Variants in GRIN2B observed in about 807,000 individuals in gnomAD.
GRIN2B encodes the protein glutamate receptor ionotropic, NMDA 2B.
GRIN2B carries 5 observed loss-of-function variants against 114.5 expected under a neutral mutation model. That is an observed-to-expected ratio of 0.04 (90% CI 0.02 to 0.09). The LOEUF is 0.09. Among genes scored for constraint, GRIN2B ranks in the 10% least tolerant of loss-of-function variants. The pLI is 1.00. For missense variants in GRIN2B, 1,108 were observed against 1,943.5 expected (o/e 0.57, Z 8.08); for synonymous variants, 787 against 745.1 (o/e 1.06, Z -0.92).
intron 5 of GRIN2B, among the ~76,000 whole-genome samples, chr12:13,626,534 G>A (rs1009399960): frequency 6.6e-6 from 1 of 152,114 alleles, no homozygotes; most frequent in Non-Finnish European, 1.5e-5. Context: ...CTGGATTTGA[G>A]CACTGACTTG....
intron 13 of GRIN2B, among the ~76,000 whole-genome samples, chr12:13,566,495 G>A (rs983237890): frequency 6.6e-6 from 1 of 152,202 alleles, no homozygotes; most frequent in Non-Finnish European, 1.5e-5. Context: ...AACTAGGGAA[G>A]TTTCTGGAAT....
In GRIN2B at chr12:13,547,285, A is replaced by C. The variant is rs1355864450; in HGVS notation, c.*15498T>G. On this transcript the variant is annotated 3_prime_UTR_variant, in exon 14 of 14. Transcript: ENST00000609686. ...GATAAAACCCACTTTGCAGTGGCTAAAAATATAAGTATTTTGGTCTATTTT... is the reference window on the plus strand; with the variant it reads ...GATAAAACCCACTTTGCAGTGGCTACAAATATAAGTATTTTGGTCTATTTT... 1 of 152,156 alleles carries C rather than the reference A, an allele frequency of 6.6e-6. No homozygotes were observed. Among genetic ancestry groups the C allele is most frequent in the African/African-American group, 2.4e-5 (1 of 41,436 alleles). 9.4% of individuals were successfully genotyped at this position (152,156 alleles called of 1,614,324 possible). A position where few individuals can be genotyped will look rare whatever the true frequency, so the allele number is the denominator to read the frequency against.
At chr12:13,662,109 T>C (rs1949930036) in intron 5 of GRIN2B, among the ~76,000 whole-genome samples, 1 of 152,172 alleles carries the variant, frequency 6.6e-6, no homozygotes, top group Non-Finnish European at 1.5e-5. Flanking sequence ...GCAGTTCTTA[T>C]TAAACAATGA....
chr12:13,791,574 C>G lies in GRIN2B; in HGVS notation c.412-37659G>C, dbSNP rs371138641. On this transcript the variant is annotated intron_variant, in intron 3 of 13. Transcript: ENST00000609686. Reference sequence around the variant, plus strand: ...TTGCACTCTGTTTCTTATTGGGGTACCTATAATTTTCCTACAATATTCTGA... The same window carrying G: ...TTGCACTCTGTTTCTTATTGGGGTAGCTATAATTTTCCTACAATATTCTGA... 4.0e-4 allele frequency among the ~76,000 whole-genome samples: 61 copies of G among 152,160 alleles called. No individual in the cohort carries two copies. In the East Asian group the frequency reaches 0.011, roughly 27 times the overall value.
intron 1 of GRIN2B, 89 bp downstream of exon 1, chr12:13,981,253 C>T (rs1488924479): frequency 6.6e-6 from 1 of 152,294 alleles, no homozygotes; most frequent in Non-Finnish European, 1.5e-5. Flanking sequence ...CAGATTCGTT[C>T]ACGATTTCAC....
chr12:13,721,518 A>C (rs1302121363), intron 4 of GRIN2B, among the ~76,000 whole-genome samples: 1 of 152,038 alleles, frequency 6.6e-6, no homozygotes, highest in Non-Finnish European at 1.5e-5. Flanking sequence ...TGTAAGAAAA[A>C]TAAGTAAGGA....
Position 13,563,327 on chromosome 12 carries a change from T to C in GRIN2B, c.3911A>G (p.Tyr1304Cys). The C allele has an allele frequency of 2.5e-6, 4 of 1,614,114 alleles. No individual in the cohort carries two copies. The highest frequency in any genetic ancestry group is 3.4e-6 in the Non-Finnish European group (4 of 1,180,010). The change falls in exon 14 of 14, where the codon TAC becomes TGC. Residue 1304 changes from tyrosine to cysteine, a missense_variant. Physicochemically the swap from Tyr to Cys is radical, Grantham distance 194. Transcript: ENST00000609686. ...CTTCTGCAGGTCCACGAAGGTGTCG[T>C]AGGAGTGCTGCCGGCGCAGTTTGTT... ...NRNKLRRQHS[Y>C]DTFVDLQKEE...
chr12:13,651,967 A>G (rs532133990), intron 5 of GRIN2B, among the ~76,000 whole-genome samples: 36 of 152,106 alleles, frequency 2.4e-4, no homozygotes, highest in Non-Finnish European at 2.6e-4. Flanking sequence ...TTAACATTTA[A>G]TGAGCATTTA....
In GRIN2B at chr12:13,549,010, A is replaced by AAG. The variant is rs1948380315; in HGVS notation, c.*13772_*13773insCT. The stretch of plus-strand genomic sequence containing the variant: ...TAGGGCTAGGAAGGACTGATAAAAA[A>AAG]AAAAAGTTACTCTACATTAAGCAGG... On this transcript the variant is annotated 3_prime_UTR_variant, in exon 14 of 14. Transcript: ENST00000609686. 1 of 151,890 alleles carries AAG rather than the reference A, an allele frequency of 6.6e-6. No homozygotes were observed. The highest frequency in any genetic ancestry group is 1.5e-5 in the Non-Finnish European group (1 of 67,952). The allele number at this position is 151,890 out of a possible 1,614,324, so 9.4% of individuals were successfully genotyped here.
intron 2 of GRIN2B, among the ~76,000 whole-genome samples, chr12:13,953,600 G>A (rs1474368518): frequency 1.3e-5 from 2 of 152,186 alleles, no homozygotes; most frequent in African/African-American, 4.8e-5. Flanking sequence ...GATGGTGGGG[G>A]TGCTGGAGAG....
rs543452359 is a variant in GRIN2B, at chr12:13,564,082, G to A, written c.3156C>T (p.His1052=). ...FSFKSDRYSG[H]DDLIRSDVSD... is the part of the protein sequence containing the mutation. ...AGACATCGGAGCGGATCAAGTCGTC[G>A]TGGCCACTGTAGCGGTCGCTCTTGA... Residue 1052 remains histidine (H), a synonymous_variant, in exon 14 of 14, where the codon CAC becomes CAT. Coordinates refer to ENST00000609686, the MANE Select transcript of GRIN2B (RefSeq NM_000834.5). This position sits in a 1 kb window ranked among gnomAD's most constrained non-coding sequence, Gnocchi z 4.8. 5.6e-6 allele frequency: 9 copies of A among 1,614,200 alleles called. No homozygotes were observed. In the East Asian group the frequency reaches 8.9e-5, roughly 16 times the overall value.
At chr12:13,810,140 C>G (rs999504767) in intron 3 of GRIN2B, among the ~76,000 whole-genome samples, 1 of 152,108 alleles carries the variant, frequency 6.6e-6, no homozygotes, top group African/African-American at 2.4e-5. Context: ...CCCACCACCC[C>G]CCTCCCCACC....
intron 2 of GRIN2B, among the ~76,000 whole-genome samples, chr12:13,898,077 T>C (rs1326686607): frequency 3.3e-5 from 5 of 152,108 alleles, no homozygotes; most frequent in African/African-American, 1.2e-4. Flanking sequence ...ACAAGGCTTA[T>C]TGTTAATGAG....
chr12:13,694,069 C>A (rs1351537737), intron 4 of GRIN2B, among the ~76,000 whole-genome samples: 1 of 152,010 alleles, frequency 6.6e-6, no homozygotes, highest in Non-Finnish European at 1.5e-5. Flanking sequence ...TCTTAAGGTG[C>A]AATAAACAGC....
chr12:13,614,677 C>G (rs1325269211), intron 8 of GRIN2B, among the ~76,000 whole-genome samples: 2 of 152,068 alleles, frequency 1.3e-5, no homozygotes, highest in African/African-American at 4.8e-5. Flanking sequence ...GCAATTCTTG[C>G]AGATAATTAA....
intron 5 of GRIN2B, among the ~76,000 whole-genome samples, chr12:13,625,306 G>C (rs1036483471): frequency 6.6e-6 from 1 of 152,138 alleles, no homozygotes; most frequent in African/African-American, 2.4e-5. Context: ...ATCTAAGAGA[G>C]TAGAAGAGTC....
At chr12:13,886,741 C>CAAGCCAG (rs1188040252) in intron 2 of GRIN2B, among the ~76,000 whole-genome samples, 1 of 152,184 alleles carries the variant, frequency 6.6e-6, no homozygotes, top group Non-Finnish European at 1.5e-5. Context: ...CTATAATAAA[C>CAAGCCAG]CTCCTAATGC....
intron 2 of GRIN2B, among the ~76,000 whole-genome samples, chr12:13,976,853 G>A (rs1393572296): frequency 6.6e-6 from 1 of 151,950 alleles, no homozygotes; most frequent in African/African-American, 2.4e-5. Context: ...GTAATATTGT[G>A]GCCAAGGGAT....
intron 5 of GRIN2B, among the ~76,000 whole-genome samples, chr12:13,627,473 G>T (rs544204569): frequency 6.6e-6 from 1 of 152,332 alleles, no homozygotes; most frequent in Non-Finnish European, 1.5e-5. Context: ...AGCATGGTGA[G>T]CCCTGAGTAA....
Sources: allele counts gnomAD v4.1 joint callset (sites outside exome capture counted in the v4.1 genomes callset), GRCh38; gene constraint gnomAD v4.1.1; non-coding constraint Gnocchi (gnomAD v3.1); transcripts MANE v1.5; gene names NCBI Gene and HGNC (gene_info 2026-07-23, HGNC 2026-07-21).